SLC24A1: variants seen among roughly 807,000 people sequenced by gnomAD.
SLC24A1 encodes the protein sodium/potassium/calcium exchanger 1.
Under a neutral mutation model 88.1 loss-of-function variants are expected in SLC24A1, and 52 were observed. The observed-to-expected ratio is 0.59, with a 90% CI of 0.47 to 0.74. The LOEUF is 0.74. Among genes scored for constraint, SLC24A1 ranks in the 30% least tolerant of loss-of-function variants. The pLI, the probability that SLC24A1 is intolerant of heterozygous loss-of-function variation, is 0.00. For missense variants in SLC24A1, 1,173 were observed against 1,363.3 expected, an observed-to-expected ratio of 0.86 and a Z score of 2.20; for synonymous variants, 455 against 498.0, an observed-to-expected ratio of 0.91 and a Z score of 1.15.
intron 4 of SLC24A1, among the ~76,000 whole-genome samples, 157 bp downstream of exon 4, chr15:65,639,860 G>A (rs2075065948): frequency 6.6e-6 from 1 of 152,198 alleles, no homozygotes; most frequent in Non-Finnish European, 1.5e-5. Flanking sequence ...GACAGTCTGG[G>A]AAAGAGGGTA....
chr15:65,624,611 C>A lies in SLC24A1; in HGVS notation c.531C>A (p.Tyr177Ter). 6.3e-7 allele frequency: 1 copy of A among 1,594,056 alleles called. No individual in the cohort carries two copies. Among genetic ancestry groups the A allele is most frequent in the East Asian group, 2.3e-5 (1 of 43,840 alleles). Residue 177 changes from tyrosine to a stop codon, truncating the protein, a stop_gained, in exon 2 of 10, where the codon TAC (tyrosine) becomes TAA (stop). Transcript: ENST00000261892. LOFTEE classifies it high-confidence loss of function. ...TPTPRGEMKSYSPTQVREKVK... is the reference protein window; with the variant it reads ...TPTPRGEMKS ...CACCCAGGGGAGAAATGAAGAGCTA[C>A]AGCCCAACTCAAGTGAGGGAAAAGG...
intron 2 of SLC24A1, among the ~76,000 whole-genome samples, chr15:65,629,195 C>A (rs1205383740): frequency 6.6e-6 from 1 of 152,134 alleles, no homozygotes; most frequent in Non-Finnish European, 1.5e-5. Context: ...GGATATTCAC[C>A]CACCTGATAG....
chr15:65,646,600 T>C (rs1343035739), intron 6 of SLC24A1, among the ~76,000 whole-genome samples: 1 of 151,416 alleles, frequency 6.6e-6, no homozygotes, highest in African/African-American at 2.4e-5. Context: ...CCAACTGTCT[T>C]CCTTGGATTC....
At chr15:65,637,932 G>A (rs904413622) in intron 2 of SLC24A1, among the ~76,000 whole-genome samples, 196 bp from the exon 3 acceptor site, 3 of 152,214 alleles carry the variant, frequency 2.0e-5, no homozygotes, top group African/African-American at 7.2e-5. Context: ...TCGACTGGGG[G>A]TACTGCATTG....
chr15:65,648,784 G>A (rs1206999118), intron 6 of SLC24A1, among the ~76,000 whole-genome samples: 3 of 152,012 alleles, frequency 2.0e-5, no homozygotes, highest in Non-Finnish European at 4.4e-5. Context: ...ACAGGTGTGA[G>A]CCACCGTGCC....
At chr15:65,642,728 G>A (rs1288627710) in intron 4 of SLC24A1, among the ~76,000 whole-genome samples, 1 of 152,174 alleles carries the variant, frequency 6.6e-6, no homozygotes, top group Non-Finnish European at 1.5e-5. Flanking sequence ...TGTCATAGTG[G>A]CTCTACCCAT....
chr15:65,639,521 G>A (rs539784826), intron 3 of SLC24A1, 74 bp from the exon 4 acceptor site: 61 of 885,322 alleles, frequency 6.9e-5, no homozygotes, highest in Non-Finnish European at 1.0e-4. Context: ...AAAGAGGCAA[G>A]GTTAGTGATG....
intron 2 of SLC24A1, among the ~76,000 whole-genome samples, chr15:65,631,477 G>A (rs764596958): frequency 6.6e-6 from 1 of 152,192 alleles, no homozygotes; most frequent in Non-Finnish European, 1.5e-5. Context: ...GAGGGAGAGT[G>A]TAGGAGGTCT....
intron 2 of SLC24A1, among the ~76,000 whole-genome samples, chr15:65,615,028 C>A (rs1399931286): frequency 6.6e-6 from 1 of 152,116 alleles, no homozygotes; most frequent in Non-Finnish European, 1.5e-5. Flanking sequence ...CTAGCCTGGG[C>A]AACATAGAAA....
chr15:65,647,469 C>T (rs1357190863), intron 6 of SLC24A1, among the ~76,000 whole-genome samples: 2 of 107,372 alleles, frequency 1.9e-5, no homozygotes, highest in African/African-American at 8.5e-5. Flanking sequence ...CAGAGAGAGA[C>T]TGTCTCAAAA....
intron 3 of SLC24A1, among the ~76,000 whole-genome samples, chr15:65,638,535 T>C (rs1596327697): frequency 6.6e-6 from 1 of 152,172 alleles, no homozygotes. Flanking sequence ...GTATGATTGA[T>C]ATAAAAGCCA....
At chr15:65,648,367 A>T (rs983955977) in intron 6 of SLC24A1, among the ~76,000 whole-genome samples, 1 of 152,236 alleles carries the variant, frequency 6.6e-6, no homozygotes, top group African/African-American at 2.4e-5. Context: ...CAGACAACAT[A>T]TTTACTCCAT....
At chr15:65,648,320 C>T (rs1484161098) in intron 6 of SLC24A1, among the ~76,000 whole-genome samples, 1 of 152,138 alleles carries the variant, frequency 6.6e-6, no homozygotes, top group Non-Finnish European at 1.5e-5. Context: ...ACTCACTCAA[C>T]ATCCTTTGGG....
chr15:65,628,970 G>C (rs540152207), intron 2 of SLC24A1, among the ~76,000 whole-genome samples: 4 of 152,228 alleles, frequency 2.6e-5, no homozygotes, highest in African/African-American at 9.6e-5. Context: ...TTCGGTAAAG[G>C]GCCAGACAGT....
At chr15:65,646,427 C>T (rs541676928) in intron 6 of SLC24A1, among the ~76,000 whole-genome samples, 101 of 151,962 alleles carry the variant, frequency 6.6e-4, no homozygotes, top group African/African-American at 2.3e-3. Context: ...TTTTCTCTCC[C>T]TAGAATGCCT....
rs1596358487 is a variant in SLC24A1 at position 65,654,792 on chromosome 15, A to G, written c.*713A>G. On this transcript the variant is annotated 3_prime_UTR_variant, in exon 10 of 10. Coordinates refer to ENST00000261892, the MANE Select transcript of SLC24A1 (RefSeq NM_004727.3). ...GTGATCTCGGCACACCACAACCTTC[A>G]CCTCCCCGGTTCAAGCAATTCTCCT... 1 of 1,033,326 alleles carries G rather than the reference A, an allele frequency of 9.7e-7. No homozygotes were observed. The highest frequency in any genetic ancestry group is 1.4e-5 in the South Asian group (1 of 71,234). The allele number at this position is 1,033,326 out of a possible 1,614,324, so 64.0% of individuals were successfully genotyped here.
chr15:65,639,642 C>T lies in SLC24A1; in HGVS notation c.1992C>T (p.Asn664=). ...GGAGCAGCTCGACCTCTCTGCACAA[C>T]AGCACCATCCGCAGCACCATCTACC... ...TRGSSSTSLH[N]STIRSTIYQL... The change falls in exon 4 of 10, where the codon AAC becomes AAT. Residue 664 remains asparagine, a synonymous_variant. Transcript: ENST00000261892. 6.2e-7 allele frequency: 1 copy of T among 1,613,082 alleles called. No homozygotes were observed. The highest frequency in any genetic ancestry group is 8.5e-7 in the Non-Finnish European group (1 of 1,179,548).
Position 65,655,477 on chromosome 15 carries a change from A to ATGTT in SLC24A1, c.*1400_*1403dup. The ATGTT allele has an allele frequency of 5.1e-6, 5 of 985,268 alleles. No homozygotes were observed. Among genetic ancestry groups the ATGTT allele is most frequent in the Non-Finnish European group, 6.0e-6 (5 of 829,774 alleles). The allele number at this position is 985,268 out of a possible 1,614,324, so 61.0% of individuals were successfully genotyped here. On this transcript the variant is annotated 3_prime_UTR_variant, in exon 10 of 10. Coordinates refer to ENST00000261892, the MANE Select transcript of SLC24A1 (RefSeq NM_004727.3). ...CTTGAGTTTTTAAAACTGTGGTTAA[A>ATGTT]TGTTTTATGTGGAATTTGATGAGTT...
At position 65,625,454 on chromosome 15, in the gene SLC24A1, C is replaced by A. The variant is rs370043190; in HGVS notation, c.1374C>A (p.His458Gln). Residue 458 changes from histidine to glutamine, a missense_variant, in exon 2 of 10, where the codon CAC becomes CAA. Physicochemically the swap from His to Gln is conservative, Grantham distance 24. Transcript: ENST00000261892. ...GGCGGCAGGGCTGGGTGGTCCTGCA[C>A]GTTTTTGGCATGATGTATGTGTTTG... ...EERRQGWVVL[H>Q]VFGMMYVFVA... 7 of 1,614,016 alleles carry A rather than the reference C, an allele frequency of 4.3e-6. No homozygotes were observed. Among genetic ancestry groups the A allele is most frequent in the Non-Finnish European group, 5.9e-6 (7 of 1,179,906 alleles).
Sources: allele counts gnomAD v4.1 joint callset (sites outside exome capture counted in the v4.1 genomes callset), GRCh38; gene constraint gnomAD v4.1.1; transcripts MANE v1.5; gene names NCBI Gene and HGNC (gene_info 2026-07-23, HGNC 2026-07-21).